The following ANK2 variants were observed in gnomAD, a reference collection of about 807,000 sequenced individuals.
ANK2 encodes ankyrin-2.
ANK2 carries 83 observed loss-of-function variants against 360.5 expected under a neutral mutation model. The ratio of observed to expected loss-of-function variants is 0.23; its 90% CI spans 0.19 to 0.28. The LOEUF is 0.28. Among genes scored for constraint, ANK2 ranks in the 10% least tolerant of loss-of-function variants. ANK2 has a pLI of 1.00. For missense variants in ANK2, 4,201 were observed against 4,795.7 expected, an observed-to-expected ratio of 0.88 and a Z score of 3.66; for synonymous variants, 1,740 against 1,759.5, an observed-to-expected ratio of 0.99 and a Z score of 0.28.
intron 1 of ANK2, among the ~76,000 whole-genome samples, chr4:113,138,440 C>T (rs2096523573): frequency 6.6e-6 from 1 of 152,104 alleles, no homozygotes; most frequent in Non-Finnish European, 1.5e-5. Flanking sequence ...ATCAGTTATC[C>T]TCATAATAAA....
chr4:113,309,225 T>C (rs951770797), intron 23 of ANK2, among the ~76,000 whole-genome samples: 1 of 152,216 alleles, frequency 6.6e-6, no homozygotes, highest in Non-Finnish European at 1.5e-5. Context: ...TTCCAGCTAA[T>C]GCCAACACTG....
At chr4:112,981,642 G>A (rs1355021171) in intron 2 of ANK2, among the ~76,000 whole-genome samples, 1 of 152,186 alleles carries the variant, frequency 6.6e-6, no homozygotes, top group Non-Finnish European at 1.5e-5. Context: ...CAAGAATGTA[G>A]TGAATTCTGT....
At position 112,862,302 on chromosome 4, in the gene ANK2, C is replaced by T. The variant is rs564648125; in HGVS notation, c.-39-42153C>T. Among the ~76,000 whole-genome samples the T allele has an allele frequency of 3.9e-5, 6 of 152,234 alleles. No individual in the cohort carries two copies. In the East Asian group the frequency reaches 7.7e-4, roughly 20 times the overall value. On this transcript the variant is annotated intron_variant, in intron 1 of 30. Transcript: ENST00000503271. ...ATCTTTCCTTAAAGTAAATTTATTT[C>T]ATTATTTTTTAGCATCTAATTATTG...
At chr4:113,240,877 T>C (rs2039444883) in intron 8 of ANK2, among the ~76,000 whole-genome samples, 1 of 152,238 alleles carries the variant, frequency 6.6e-6, no homozygotes. Flanking sequence ...TGAATCCTGA[T>C]AAGTCACGTC....
intron 1 of ANK2, among the ~76,000 whole-genome samples, chr4:113,153,725 C>T (rs962598465): frequency 1.3e-5 from 2 of 152,110 alleles, no homozygotes; most frequent in Admixed American, 1.3e-4. Flanking sequence ...TTTATGTCAG[C>T]GCCTCCCAAA....
At chr4:113,111,077 C>T (rs1244018293) in intron 1 of ANK2, among the ~76,000 whole-genome samples, 2 of 152,064 alleles carry the variant, frequency 1.3e-5, no homozygotes, top group African/African-American at 4.8e-5. Flanking sequence ...GGCTTTTAAG[C>T]ATTATTAATT....
intron 1 of ANK2, among the ~76,000 whole-genome samples, chr4:113,097,635 G>A (rs2091642033): frequency 6.6e-6 from 1 of 151,804 alleles, no homozygotes; most frequent in African/African-American, 2.4e-5. Flanking sequence ...TTTGCCCAAG[G>A]GCTGACTCTG....
intron 2 of ANK2, among the ~76,000 whole-genome samples, chr4:113,189,367 G>T (rs2098609952): frequency 6.6e-6 from 1 of 152,174 alleles, no homozygotes; most frequent in Admixed American, 6.5e-5. Context: ...AAAAAATGTG[G>T]AGAAGATCGG....
chr4:113,248,859 C>G (rs994787315), intron 9 of ANK2, among the ~76,000 whole-genome samples: 2 of 152,124 alleles, frequency 1.3e-5, no homozygotes, highest in Admixed American at 6.5e-5. Context: ...TTCCTTCCAC[C>G]TCAAATCACC....
At chr4:113,259,812 C>CT (rs772674741) in intron 13 of ANK2, among the ~76,000 whole-genome samples, 5,339 of 106,598 alleles carry the variant, frequency 0.05, 129 homozygotes, top group East Asian at 0.13. Flanking sequence ...CTTTTTTTTT[C>CT]TTTTTTTTTT....
rs1258419461 is a variant in ANK2 at position 113,382,008 on chromosome 4, A to G, written c.*537A>G. On this transcript the variant is annotated 3_prime_UTR_variant, in exon 46 of 46. Transcript: ENST00000357077. ...CTATGTAGGAATCCTTCCAAGGAAT[A>G]TCTATGTACAATGTATATAGCTGAA... 1.1e-5 allele frequency: 3 copies of G among 280,150 alleles called. No homozygotes were observed. Among genetic ancestry groups the G allele is most frequent in the Non-Finnish European group, 2.1e-5 (3 of 141,034 alleles). 17.4% of individuals were successfully genotyped at this position (280,150 alleles called of 1,614,324 possible). A position where few individuals can be genotyped will look rare whatever the true frequency, so the allele number is the denominator to read the frequency against.
rs185682742 is a variant in ANK2, at chr4:112,993,799, T to C, written c.21+89285T>C. 9.2e-4 allele frequency among the ~76,000 whole-genome samples: 140 copies of C among 151,980 alleles called. 2 individuals carry two copies. Among genetic ancestry groups the C allele is most frequent in the Admixed American group, 9.1e-3 (139 of 15,250 alleles). On this transcript the variant is annotated intron_variant, in intron 2 of 30. Transcript: ENST00000503271. ...TTGGCTCACTGCAACCTCCGTCACC[T>C]GGGTTCAAGCAATTCTCCTGCCTCA...
chr4:113,242,036 G>T, intron 8 of ANK2, 75 bp from the exon 9 acceptor site: 4 of 1,167,260 alleles, frequency 3.4e-6, no homozygotes, highest in Non-Finnish European at 5.2e-6. Flanking sequence ...CTTCCTTTGT[G>T]GCCTTTAACA....
chr4:112,794,667 A>G, the ANK2 span, among the ~76,000 whole-genome samples: 66 of 152,216 alleles, frequency 4.3e-4, no homozygotes, highest in African/African-American at 1.6e-3. Context: ...ATGCAGAGAT[A>G]AAGAAGCACT....
At chr4:113,234,540 TA>T (rs937518954) in intron 5 of ANK2, among the ~76,000 whole-genome samples, 9 of 149,522 alleles carry the variant, frequency 6.0e-5, no homozygotes, top group African/African-American at 9.8e-5. Context: ...CATCATTCTG[TA>T]AAAAAAAAAT....
intron 17 of ANK2, among the ~76,000 whole-genome samples, chr4:113,282,042 A>G (rs1563397394): frequency 6.6e-6 from 1 of 152,220 alleles, no homozygotes; most frequent in African/African-American, 2.4e-5. Flanking sequence ...CTAGGCACTC[A>G]GTAATATTTG....
At chr4:113,262,523 A>C (rs879816826) in intron 13 of ANK2, among the ~76,000 whole-genome samples, 1 of 152,066 alleles carries the variant, frequency 6.6e-6, no homozygotes, top group Admixed American at 6.6e-5. Context: ...AGCCACTGCA[A>C]CTGGTCTTGT....
In ANK2 at chr4:113,353,784, T is replaced by A. The variant is rs891594141; in HGVS notation, c.5166T>A (p.Ser1722Arg). The A allele has an allele frequency of 1.3e-5, 21 of 1,613,802 alleles. No individual in the cohort carries two copies. Among genetic ancestry groups the A allele is most frequent in the Non-Finnish European group, 1.8e-5 (21 of 1,179,996 alleles). Residue 1722 changes from serine (S) to arginine (R), a missense_variant, in exon 38 of 46, where the codon AGT (serine) becomes AGA (arginine). By Grantham distance (110) the Ser-to-Arg change is moderately radical. Around this residue, in one of 4 missense-constraint regions of ANK2, gnomAD observed 2,642 missense variants for 2,714.5 expected, o/e 0.97. Transcript: ENST00000357077. Reference sequence around the variant, plus strand: ...AAAAAGAGGAAGGTTTACAAGCTAGTGCAGAGAAAGCTGAACTTAAAAAAG... The same window carrying A: ...AAAAAGAGGAAGGTTTACAAGCTAGAGCAGAGAAAGCTGAACTTAAAAAAG... ...QKQKEEGLQA[S>R]AEKAELKKGS...
chr4:113,006,696 G>C (rs2052996296), intron 2 of ANK2, among the ~76,000 whole-genome samples: 1 of 152,138 alleles, frequency 6.6e-6, no homozygotes, highest in South Asian at 2.1e-4. Context: ...ATTTGTAACT[G>C]GGTTAATGTA....
Sources: gnomAD v4.1 joint callset for allele counts (sites outside exome capture counted in the v4.1 genomes callset) on GRCh38, gnomAD v4.1.1 for gene constraint, gnomAD v4.1.1 regional missense constraint, MANE v1.5 for transcripts, NCBI Gene and HGNC (gene_info 2026-07-23, HGNC 2026-07-21) for gene names.